The following PRICKLE1 variants were observed in gnomAD, a reference collection of about 807,000 sequenced individuals.
PRICKLE1 encodes the protein prickle-like protein 1.
A neutral mutation model predicts 70.2 loss-of-function variants in PRICKLE1; 14 were observed. The ratio of observed to expected loss-of-function variants is 0.20; its 90% CI spans 0.13 to 0.31. The LOEUF is 0.31. Ranked by LOEUF, PRICKLE1 falls within the 10% of genes least tolerant of loss-of-function variation. PRICKLE1 has a pLI of 1.00. For synonymous variants in PRICKLE1, 357 were observed against 379.9 expected, an observed-to-expected ratio of 0.94 and a Z score of 0.70; for missense variants, 821 against 1,026.2, an observed-to-expected ratio of 0.80 and a Z score of 2.73.
In PRICKLE1 at chr12:42,464,377, A is replaced by G; in HGVS notation, c.1639+18T>C. On this transcript the variant is annotated intron_variant, in intron 7 of 7. Transcript: ENST00000345127. The surrounding 1 kb of genome is among the most constrained non-coding windows in gnomAD (Gnocchi z 4.2). ...TAGCTCCTTTTTTCAAATACCCCATAATCCCTAGATTACGTACCTGTGATA... is the reference window on the plus strand; with the variant it reads ...TAGCTCCTTTTTTCAAATACCCCATGATCCCTAGATTACGTACCTGTGATA... The G allele has an allele frequency of 1.9e-6, 3 of 1,614,052 alleles. No homozygotes were observed. Among genetic ancestry groups the G allele is most frequent in the Non-Finnish European group, 2.5e-6 (3 of 1,179,994 alleles).
intron 1 of PRICKLE1, among the ~76,000 whole-genome samples, chr12:42,494,197 G>A (rs573742119): frequency 2.0e-5 from 3 of 152,306 alleles, no homozygotes; most frequent in African/African-American, 4.8e-5. Flanking sequence ...TGGCTGTTGC[G>A]TGATCAGGAT....
chr12:42,503,474 A>G (rs1939352476), intron 1 of PRICKLE1, among the ~76,000 whole-genome samples: 1 of 152,228 alleles, frequency 6.6e-6, no homozygotes, highest in African/African-American at 2.4e-5. Context: ...TTCCCAAAAT[A>G]GACTATCACA....
intron 1 of PRICKLE1, among the ~76,000 whole-genome samples, chr12:42,499,688 T>A (rs912652796): frequency 6.6e-6 from 1 of 151,528 alleles, no homozygotes; most frequent in Non-Finnish European, 1.5e-5. Flanking sequence ...CCCAAAGTGC[T>A]GGGATTACAG....
rs1267798985 is a variant in PRICKLE1, at chr12:42,559,640, G to T, written c.-49+29825C>A. 1.7e-3 allele frequency among the ~76,000 whole-genome samples: 139 copies of T among 82,510 alleles called. 1 individual carries two copies. The highest frequency in any genetic ancestry group is 9.9e-3 in the African/African-American group (133 of 13,494). 54.1% of individuals were successfully genotyped at this position (82,510 alleles called of 152,430 possible). On this transcript the variant is annotated intron_variant, in intron 1 of 7. Coordinates refer to ENST00000345127, the MANE Select transcript of PRICKLE1 (RefSeq NM_153026.3). ...TATATATATATTTTTTTTTTTTGGGGGGGGTAGAGATGGGGGCCTCATTAT... is the reference window on the plus strand; with the variant it reads ...TATATATATATTTTTTTTTTTTGGGTGGGGTAGAGATGGGGGCCTCATTAT...
chr12:42,548,891 C>T (rs1366012429), intron 1 of PRICKLE1, among the ~76,000 whole-genome samples: 2 of 152,250 alleles, frequency 1.3e-5, no homozygotes, highest in African/African-American at 4.8e-5. Context: ...GAGGCCGAGG[C>T]AGGTGGATCA....
At chr12:42,486,896 A>G (rs1939000923) in intron 1 of PRICKLE1, among the ~76,000 whole-genome samples, 2 of 152,220 alleles carry the variant, frequency 1.3e-5, no homozygotes, top group Non-Finnish European at 2.9e-5. Context: ...TCTGATAATC[A>G]CAAATGACAT....
intron 1 of PRICKLE1, among the ~76,000 whole-genome samples, chr12:42,555,804 T>C (rs1458689361): frequency 6.6e-6 from 1 of 152,218 alleles, no homozygotes; most frequent in East Asian, 1.9e-4. Context: ...CCATTATTTC[T>C]GCATAGCATT....
chr12:42,484,639 C>A (rs77241306), intron 1 of PRICKLE1, among the ~76,000 whole-genome samples: 26 of 152,132 alleles, frequency 1.7e-4, no homozygotes, highest in Non-Finnish European at 2.9e-5. Context: ...AAGTACACTA[C>A]TGAGAGTTTT....
intron 1 of PRICKLE1, among the ~76,000 whole-genome samples, chr12:42,572,649 C>T (rs924789125): frequency 3.3e-5 from 5 of 151,300 alleles, no homozygotes; most frequent in African/African-American, 9.7e-5. Flanking sequence ...AAAGTGAGAC[C>T]TCATCTCTAC....
chr12:42,555,489 C>T (rs1029326355), intron 1 of PRICKLE1, among the ~76,000 whole-genome samples: 1 of 152,080 alleles, frequency 6.6e-6, no homozygotes, highest in Non-Finnish European at 1.5e-5. Context: ...TTCTTATTCC[C>T]ACCTTTAAAA....
intron 1 of PRICKLE1, among the ~76,000 whole-genome samples, chr12:42,504,423 G>A (rs1437525496): frequency 6.6e-6 from 1 of 152,188 alleles, no homozygotes; most frequent in Non-Finnish European, 1.5e-5. Flanking sequence ...AAATCTGCAC[G>A]GAACTAGCGT....
chr12:42,588,113 G>T (rs1398185661), intron 1 of PRICKLE1, among the ~76,000 whole-genome samples: 1 of 152,154 alleles, frequency 6.6e-6, no homozygotes, highest in African/African-American at 2.4e-5. Context: ...GTGGGAAAGG[G>T]CCAGTTGTCA....
intron 1 of PRICKLE1, among the ~76,000 whole-genome samples, chr12:42,548,432 A>G (rs1669947): frequency 0.6 from 91,462 of 152,062 alleles, 27,866 homozygotes; most frequent in African/African-American, 0.68. Context: ...AGCATAAGTC[A>G]ATATAGAAGA....
Position 42,510,196 on chromosome 12 carries a change from G to T in PRICKLE1, c.-48-37632C>A, listed in dbSNP as rs192907445. Among the ~76,000 whole-genome samples the T allele has an allele frequency of 7.1e-4, 108 of 152,132 alleles. 1 individual carries two copies. The highest frequency in any genetic ancestry group is 2.4e-3 in the African/African-American group (101 of 41,564). On this transcript the variant is annotated intron_variant, in intron 1 of 7. Coordinates refer to ENST00000345127, the MANE Select transcript of PRICKLE1 (RefSeq NM_153026.3). ...TGCAAGCTCCGCCTCCTGGGTTCAC[G>T]CCATTCTCCTGCCTCAGCTTCCTGA...
At chr12:42,515,062 G>A (rs2406681) in intron 1 of PRICKLE1, among the ~76,000 whole-genome samples, 68,732 of 151,446 alleles carry the variant, frequency 0.45, 16,103 homozygotes, top group East Asian at 0.71. Flanking sequence ...GAGTACCTGG[G>A]TGCAAGCCAC....
intron 1 of PRICKLE1, among the ~76,000 whole-genome samples, chr12:42,578,211 A>G (rs1940833828): frequency 1.3e-5 from 2 of 152,224 alleles, no homozygotes; most frequent in African/African-American, 4.8e-5. Flanking sequence ...AGACATTAAA[A>G]TAATAATTTC....
intron 1 of PRICKLE1, among the ~76,000 whole-genome samples, chr12:42,482,050 T>A (rs1006615000): frequency 3.3e-5 from 5 of 152,266 alleles, no homozygotes; most frequent in African/African-American, 1.2e-4. Flanking sequence ...TGCCCTTTAG[T>A]ATTTTCTGTA....
In PRICKLE1 at chr12:42,470,201, A is replaced by AT. The variant is rs753167155; in HGVS notation, c.246+44dup. 3.6e-6 allele frequency: 5 copies of AT among 1,374,626 alleles called. No individual in the cohort carries two copies. In the Admixed American group the frequency reaches 5.0e-5, roughly 14 times the overall value. The allele number at this position is 1,374,626 out of a possible 1,614,324, so 85.2% of individuals were successfully genotyped here. On this transcript the variant is annotated intron_variant, in intron 3 of 7. Transcript: ENST00000345127. ...AGCAGCATCTCAATGCTTCTCATGCATTTTTTCTTCTTTTTTCTAATTAGC... is the reference window on the plus strand; with the variant it reads ...AGCAGCATCTCAATGCTTCTCATGCATTTTTTTCTTCTTTTTTCTAATTAGC...
chr12:42,537,685 T>C (rs561592812), intron 1 of PRICKLE1, among the ~76,000 whole-genome samples: 2 of 152,322 alleles, frequency 1.3e-5, no homozygotes, highest in South Asian at 4.2e-4. Context: ...CAAGACATTT[T>C]CTGAATATTT....
Sources: gnomAD v4.1 joint callset for allele counts (sites outside exome capture counted in the v4.1 genomes callset) on GRCh38, gnomAD v4.1.1 for gene constraint, Gnocchi (gnomAD v3.1) non-coding constraint, MANE v1.5 for transcripts, NCBI Gene and HGNC (gene_info 2026-07-23, HGNC 2026-07-21) for gene names.